The following MYL6B variants were observed in gnomAD, a reference collection of about 807,000 sequenced individuals.
MYL6B encodes myosin light chain 6B.
In MYL6B, 19 loss-of-function variants were observed where a neutral mutation model predicts 24.5. The ratio of observed to expected loss-of-function variants is 0.78; its 90% confidence interval spans 0.54 to 1.14. The LOEUF (loss-of-function observed/expected upper bound fraction) is 1.14, where lower values mean the gene tolerates loss of function less well. Ranked by LOEUF, MYL6B falls within the 50% of genes most tolerant of loss-of-function variation. The probability of loss-of-function intolerance (pLI) is 0.00; values close to 1 mark genes in which losing one functional copy is unlikely to be tolerated. For synonymous variants in MYL6B, 90 were observed against 100.7 expected, an observed-to-expected ratio of 0.89 and a Z score of 0.64; for missense variants, 230 against 263.8, an observed-to-expected ratio of 0.87 and a Z score of 0.89.
At chr12:56,155,684 G>A in intron 5 of MYL6B, 92 bp downstream of exon 5, 2 of 1,594,388 alleles carry the variant, frequency 1.3e-6, no homozygotes, top group Non-Finnish European at 1.7e-6. Context: ...GAGCTAGCAG[G>A]AGGCTTACTG....
Position 56,157,548 on chromosome 12 carries a change from G to A in MYL6B, c.598+3G>A. On this transcript the variant is annotated splice_donor_region_variant and intron_variant, in intron 6 of 6. Transcript: ENST00000553066. ...CAACGGCTGCATCAACTACGAGGGTGAGGGGACAAAAAAGCGGGAGCGGGG... is the reference window on the plus strand; with the variant it reads ...CAACGGCTGCATCAACTACGAGGGTAAGGGGACAAAAAAGCGGGAGCGGGG... 1.9e-6 allele frequency: 3 copies of A among 1,595,058 alleles called. No homozygotes were observed. In the South Asian group the frequency reaches 3.3e-5, roughly 18 times the overall value.
chr12:56,155,044 T>G lies in MYL6B; in HGVS notation c.203-11T>G, dbSNP rs749387540. On this transcript the variant is annotated splice_polypyrimidine_tract_variant and intron_variant, in intron 3 of 6. Coordinates refer to ENST00000553066, the Ensembl canonical transcript of MYL6B. ...AGTCAGTGTCTACACTGACCCTTCCTTATACTTTAGAGTTCAAGGAGGCCT... is the reference window on the plus strand; with the variant it reads ...AGTCAGTGTCTACACTGACCCTTCCGTATACTTTAGAGTTCAAGGAGGCCT... 1 of 1,606,164 alleles carries G rather than the reference T, an allele frequency of 6.2e-7. No individual in the cohort carries two copies. Among genetic ancestry groups the G allele is most frequent in the Non-Finnish European group, 8.5e-7 (1 of 1,176,378 alleles).
chr12:56,157,966 C>T, exon 7 of MYL6B: 1 of 592,536 alleles, frequency 1.7e-6, no homozygotes, highest in Non-Finnish European at 3.0e-6. Context: ...AAAATAAAGA[C>T]TGGGTTCCTC....
At chr12:56,155,030 A>G in intron 3 of MYL6B, 25 bp from the exon 4 acceptor site, 2 of 1,600,886 alleles carry the variant, frequency 1.2e-6, no homozygotes, top group Non-Finnish European at 1.7e-6. Flanking sequence ...GTCAGTGTCT[A>G]CACTGACCCT....
intron 2 of MYL6B, 63 bp downstream of exon 2, chr12:56,154,155 G>A (rs1871219270): frequency 6.8e-7 from 1 of 1,467,208 alleles, no homozygotes; most frequent in Non-Finnish European, 9.2e-7. Context: ...ATACAGCCTA[G>A]GGGATTAGGG....
In MYL6B at chr12:56,153,857, C is replaced by T. The variant is rs1871202773; in HGVS notation, c.-46-16C>T. 1.3e-6 allele frequency: 2 copies of T among 1,515,250 alleles called. No individual in the cohort carries two copies. The highest frequency in any genetic ancestry group is 2.6e-5 in the South Asian group (2 of 78,278). 93.9% of individuals were successfully genotyped at this position (1,515,250 alleles called of 1,614,324 possible). On this transcript the variant is annotated splice_polypyrimidine_tract_variant and intron_variant, in intron 1 of 6. Transcript: ENST00000553066. ...CCCGCCCCTTGACATCCCAGACTCC[C>T]TGGCTATTTAAACAGAGATGGGTGC... is the stretch of plus-strand genomic sequence containing the variant.
chr12:56,155,015 C>T (rs1487018530), intron 3 of MYL6B, 40 bp from the exon 4 acceptor site: 4 of 1,579,242 alleles, frequency 2.5e-6, no homozygotes, highest in East Asian at 2.2e-5. Flanking sequence ...GTGATGGGAA[C>T]CCTAGTCAGT....
intron 5 of MYL6B, chr12:56,157,047 CAAAA>C (rs34843827): frequency 1.1e-4 from 12 of 110,386 alleles, no homozygotes; most frequent in South Asian, 1.0e-3. Context: ...GACCCTATCT[CAAAA>C]AAAAAAAAAA....
chr12:56,154,792 A>G (rs1307697673), intron 2 of MYL6B, 21 bp from the exon 3 acceptor site: 5 of 1,610,650 alleles, frequency 3.1e-6, no homozygotes, highest in Non-Finnish European at 3.4e-6. Context: ...ATCTCTCCCC[A>G]CCTGCTTTTT....
rs1466200366 is a variant in MYL6B at position 56,156,100 on chromosome 12, G to A, written c.520+508G>A. 3.4e-6 allele frequency: 3 copies of A among 889,564 alleles called. No homozygotes were observed. In the East Asian group the frequency reaches 3.2e-4, roughly 96 times the overall value. The allele number at this position is 889,564 out of a possible 1,614,324, so 55.1% of individuals were successfully genotyped here. A position where few individuals can be genotyped will look rare whatever the true frequency, so the allele number is the denominator to read the frequency against. ...GCGGGCGGATCACCTTAGCTCGGGA[G>A]TTCGAGACCGGCCTGGCCAACATGG... On this transcript the variant is annotated intron_variant, in intron 5 of 6. Transcript: ENST00000553066.
intron 5 of MYL6B, chr12:56,157,088 G>T: frequency 6.0e-6 from 1 of 167,744 alleles, no homozygotes; most frequent in Non-Finnish European, 1.3e-5. Flanking sequence ...TGTTTATATT[G>T]TTGTTTACAA....
chr12:56,157,080 T>C (rs1274374414), intron 5 of MYL6B: 2 of 164,528 alleles, frequency 1.2e-5, no homozygotes, highest in African/African-American at 4.9e-5. Context: ...AATTGTTATG[T>C]TTATATTGTT....
intron 1 of MYL6B, among the ~76,000 whole-genome samples, 157 bp downstream of exon 1, chr12:56,152,788 G>A (rs1871152726): frequency 6.6e-6 from 1 of 152,006 alleles, no homozygotes; most frequent in African/African-American, 2.4e-5. Flanking sequence ...GCGAATGGGA[G>A]ACCCAGCATC....
At chr12:56,157,139 A>T (rs2136907554) in intron 5 of MYL6B, 1 of 242,868 alleles carries the variant, frequency 4.1e-6, no homozygotes, top group Non-Finnish European at 8.1e-6. Flanking sequence ...TCACGCCTGT[A>T]ATCCTAGCAC....
chr12:56,157,502 T>C (rs986972566), exon 6 of MYL6B: 1 of 1,613,788 alleles, frequency 6.2e-7, no homozygotes, highest in African/African-American at 1.3e-5. Flanking sequence ...TGGAGACCGT[T>C]CTGGCAGGAC....
intron 1 of MYL6B, chr12:56,153,545 C>G: frequency 1.1e-6 from 1 of 906,374 alleles, no homozygotes; most frequent in Non-Finnish European, 1.3e-6. Context: ...ACTAAAGCTG[C>G]TGGATCACCT....
chr12:56,155,719 T>C (rs1443635526), intron 5 of MYL6B, 127 bp downstream of exon 5: 1 of 1,553,852 alleles, frequency 6.4e-7, no homozygotes, highest in Admixed American at 1.9e-5. Flanking sequence ...GGCAGGAGAC[T>C]GAGAAGGTCA....
chr12:56,153,096 A>G (rs1319852901), intron 1 of MYL6B, among the ~76,000 whole-genome samples: 1 of 152,062 alleles, frequency 6.6e-6, no homozygotes, highest in Non-Finnish European at 1.5e-5. Context: ...AGGTGCCACC[A>G]AAGGGTCCCC....
At chr12:56,157,764 C>T (rs1211883801) in exon 7 of MYL6B, 1 of 1,607,074 alleles carries the variant, frequency 6.2e-7, no homozygotes, top group Admixed American at 1.7e-5. Flanking sequence ...TTCGCCGCGC[C>T]TTACGAGGCA....
Sources: gnomAD v4.1 joint callset for allele counts (sites outside exome capture counted in the v4.1 genomes callset) on GRCh38, gnomAD v4.1.1 for gene constraint, MANE v1.5 for transcripts, NCBI Gene and HGNC (gene_info 2026-07-23, HGNC 2026-07-21) for gene names.